Variants in SYNE2 observed in about 807,000 individuals in gnomAD.
The protein encoded by SYNE2 is nesprin-2.
In SYNE2, 431 loss-of-function variants were observed where a neutral mutation model predicts 856.3. That is an observed-to-expected ratio of 0.50 (90% CI 0.47 to 0.55). The LOEUF is 0.55. SYNE2 is among the 20% of genes least tolerant of loss of function. SYNE2 has a pLI of 0.00. For missense variants in SYNE2, 8,129 were observed against 8,023.2 expected (o/e 1.01, Z -0.50); for synonymous variants, 2,923 against 2,872.3 (o/e 1.02, Z -0.56).
intron 1 of SYNE2, among the ~76,000 whole-genome samples, chr14:63,842,236 A>G (rs775136048): frequency 9.2e-5 from 14 of 151,986 alleles, no homozygotes; most frequent in Non-Finnish European, 1.5e-4. Context: ...CAGTGGCACC[A>G]TATCAGCTGG....
intron 49 of SYNE2, among the ~76,000 whole-genome samples, chr14:64,060,093 G>A (rs992547003): frequency 2.0e-5 from 3 of 150,542 alleles, no homozygotes; most frequent in Non-Finnish European, 4.4e-5. Flanking sequence ...CAGAGATACT[G>A]TACAAGAGCT....
intron 1 of SYNE2, among the ~76,000 whole-genome samples, chr14:63,783,205 T>C (rs1213422370): frequency 1.1e-4 from 16 of 152,152 alleles, no homozygotes; most frequent in Admixed American, 1.0e-3. Context: ...TCTGATCGTT[T>C]TATAAGTGTT....
intron 27 of SYNE2, among the ~76,000 whole-genome samples, chr14:64,000,279 T>C (rs911076329): frequency 2.6e-5 from 4 of 152,240 alleles, no homozygotes; most frequent in African/African-American, 9.6e-5. Flanking sequence ...TTCTGAATTG[T>C]ATTCTATGTA....
chr14:63,954,900 T>C lies in SYNE2; in HGVS notation c.772T>C (p.Leu258=), dbSNP rs935787094. The C allele has an allele frequency of 6.2e-7, 1 of 1,612,978 alleles. No homozygotes were observed. The highest frequency in any genetic ancestry group is 8.5e-7 in the Non-Finnish European group (1 of 1,179,682). The change falls in exon 8 of 116, where the codon TTG becomes CTG. Residue 258 remains leucine (L), a synonymous_variant. Coordinates refer to ENST00000555002, the MANE Select transcript of SYNE2 (RefSeq NM_182914.3). ...AGAACAAGAATTAAAAATCCCCAGA[T>C]TGCTGGAACCAGAAGGTAAAGAAGC... The part of the protein sequence containing the change: ...IAEQELKIPR[L]LEPEDVDVVD...
intron 1 of SYNE2, among the ~76,000 whole-genome samples, chr14:63,892,438 A>G (rs2095154960): frequency 6.7e-6 from 1 of 150,322 alleles, no homozygotes; most frequent in Admixed American, 6.7e-5. Context: ...AAACCCAAGG[A>G]AAAAAAAACA....
chr14:64,157,946 T>A (rs947109095), intron 85 of SYNE2, among the ~76,000 whole-genome samples: 12 of 152,256 alleles, frequency 7.9e-5, no homozygotes, highest in African/African-American at 2.9e-4. Context: ...AATATTGATT[T>A]GTAAGTTTTC....
At chr14:64,181,392 T>G (rs2098457418) in intron 96 of SYNE2, among the ~76,000 whole-genome samples, 1 of 152,238 alleles carries the variant, frequency 6.6e-6, no homozygotes, top group African/African-American at 2.4e-5. Context: ...ACACAGAGTT[T>G]CCTTCCATAA....
chr14:64,086,987 G>C (rs1178560925), intron 57 of SYNE2, among the ~76,000 whole-genome samples: 2 of 150,112 alleles, frequency 1.3e-5, no homozygotes, highest in African/African-American at 4.9e-5. Context: ...TGGAATTATA[G>C]GCAGGAGCCA....
intron 83 of SYNE2, among the ~76,000 whole-genome samples, chr14:64,144,264 C>T (rs1014941776): frequency 8.5e-5 from 13 of 152,060 alleles, no homozygotes; most frequent in Non-Finnish European, 1.3e-4. Flanking sequence ...TCTATGAAAG[C>T]AGATGTTCAA....
chr14:64,219,374 T>C lies in SYNE2; in HGVS notation c.19824T>C (p.Asp6608=). The C allele has an allele frequency of 1.2e-6, 2 of 1,614,132 alleles. No homozygotes were observed. The highest frequency in any genetic ancestry group is 1.7e-6 in the Non-Finnish European group (2 of 1,180,036). ...TAAAGATGGCAAAGCCTCCCTCTGA[T>C]ATCCAGGAAATAGAACTGAGAGTGA... is the stretch of plus-strand genomic sequence containing the variant. The part of the protein sequence containing the change: ...EMLKMAKPPS[D]IQEIELRVKR... The change falls in exon 110 of 116, where the codon GAT becomes GAC. Residue 6608 remains aspartate, a synonymous_variant. Coordinates refer to ENST00000555002, the MANE Select transcript of SYNE2 (RefSeq NM_182914.3).
intron 1 of SYNE2, among the ~76,000 whole-genome samples, chr14:63,847,489 C>T (rs1595169648): frequency 1.3e-5 from 2 of 151,606 alleles, no homozygotes; most frequent in East Asian, 3.9e-4. Flanking sequence ...ATAAAATTTG[C>T]TTTATTTGCT....
chr14:64,046,977 A>C (rs2097190744), intron 45 of SYNE2, among the ~76,000 whole-genome samples: 1 of 152,230 alleles, frequency 6.6e-6, no homozygotes, highest in Non-Finnish European at 1.5e-5. Context: ...TTAGTAGCTC[A>C]GTTGGCCCCT....
chr14:63,906,897 T>C (rs1306202981), intron 1 of SYNE2, among the ~76,000 whole-genome samples: 1 of 152,200 alleles, frequency 6.6e-6, no homozygotes, highest in Non-Finnish European at 1.5e-5. Flanking sequence ...TGTTTCCTCA[T>C]AGATGGCCAT....
At chr14:64,100,531 A>AAAAAATATAT (rs1491537041) in intron 63 of SYNE2, among the ~76,000 whole-genome samples, 2 of 39,480 alleles carry the variant, frequency 5.1e-5, no homozygotes, top group African/African-American at 9.2e-5. Context: ...AAAAAAAAAA[A>AAAAAATATAT]ATATATATAT....
At position 64,220,723 on chromosome 14, in the gene SYNE2, T is replaced by A. The variant is rs75269458; in HGVS notation, c.20061+86T>A. 5.1e-3 allele frequency: 7,489 copies of A among 1,478,038 alleles called. 31 individuals are homozygous for A. The highest frequency in any genetic ancestry group is 6.0e-3 in the Non-Finnish European group (6,438 of 1,080,866). The allele number at this position is 1,478,038 out of a possible 1,614,324, so 91.6% of individuals were successfully genotyped here. On this transcript the variant is annotated intron_variant, in intron 111 of 115. Transcript: ENST00000555002. ...GCAGATATTTTTATCATCATCAGGC[T>A]GCTTCCGTGCAGCCAAATGTGGCTG...
intron 94 of SYNE2, among the ~76,000 whole-genome samples, chr14:64,172,581 T>G (rs754382017): frequency 1.3e-5 from 2 of 152,150 alleles, no homozygotes; most frequent in African/African-American, 4.8e-5. Context: ...CATATATCGC[T>G]TCTGCCACAC....
chr14:63,770,875 T>G (rs921344444), intron 1 of SYNE2, among the ~76,000 whole-genome samples: 1 of 152,026 alleles, frequency 6.6e-6, no homozygotes, highest in African/African-American at 2.4e-5. Context: ...AGAAGTCAAT[T>G]TAAAAAAAAA....
chr14:64,167,644 A>G lies in SYNE2; in HGVS notation c.16905+5A>G. 6.2e-7 allele frequency: 1 copy of G among 1,614,174 alleles called. No individual in the cohort carries two copies. The highest frequency in any genetic ancestry group is 8.5e-7 in the Non-Finnish European group (1 of 1,180,030). On this transcript the variant is annotated splice_donor_5th_base_variant and intron_variant, in intron 92 of 115. Coordinates refer to ENST00000555002, the MANE Select transcript of SYNE2 (RefSeq NM_182914.3). ...GAGCAGCAGAAAACCTATAAGGTAAACCTGTGTTCTCTGCCACCCTTGAAC... is the reference window on the plus strand; with the variant it reads ...GAGCAGCAGAAAACCTATAAGGTAAGCCTGTGTTCTCTGCCACCCTTGAAC...
intron 1 of SYNE2, among the ~76,000 whole-genome samples, chr14:63,838,745 G>C (rs530852571): frequency 6.6e-6 from 1 of 152,134 alleles, no homozygotes; most frequent in Non-Finnish European, 1.5e-5. Context: ...CTGGGCTCAA[G>C]TGATCCTCTC....
Sources: allele counts gnomAD v4.1 joint callset (sites outside exome capture counted in the v4.1 genomes callset), GRCh38; gene constraint gnomAD v4.1.1; transcripts MANE v1.5; gene names NCBI Gene and HGNC (gene_info 2026-07-23, HGNC 2026-07-21).